C1orf21: variants seen among roughly 807,000 people sequenced by gnomAD.
The protein encoded by C1orf21 is chromosome 1 open reading frame 21, also known as uncharacterized protein C1orf21.
A neutral mutation model predicts 18.7 loss-of-function variants in C1orf21; 3 were observed. The ratio of observed to expected loss-of-function variants is 0.16; its 90% CI spans 0.07 to 0.42. The LOEUF (loss-of-function observed/expected upper bound fraction) is 0.42, where lower values mean the gene tolerates loss of function less well. Among genes scored for constraint, C1orf21 ranks in the 10% least tolerant of loss-of-function variants. The pLI, the probability that C1orf21 is intolerant of heterozygous loss-of-function variation, is 0.99. For synonymous variants in C1orf21, 41 were observed against 46.4 expected (o/e 0.88, Z 0.47); for missense variants, 104 against 143.6 (o/e 0.72, Z 1.41).
chr1:184,612,421 CAG>C (rs1043274788), intron 5 of C1orf21, among the ~76,000 whole-genome samples: 16 of 152,160 alleles, frequency 1.1e-4, no homozygotes, highest in Non-Finnish European at 1.5e-5. Context: ...AAGCAAAAGA[CAG>C]AGTTTAAGAT....
At chr1:184,563,996 A>G (rs1305739943) in intron 3 of C1orf21, among the ~76,000 whole-genome samples, 1 of 152,236 alleles carries the variant, frequency 6.6e-6, no homozygotes, top group East Asian at 1.9e-4. Context: ...TGTTGTGGTT[A>G]CTATGCACAA....
At chr1:184,541,196 T>C (rs556365433) in intron 3 of C1orf21, among the ~76,000 whole-genome samples, 9 of 152,322 alleles carry the variant, frequency 5.9e-5, no homozygotes, top group African/African-American at 1.9e-4. Flanking sequence ...GAACCACTTA[T>C]GTCTGTTGTT....
chr1:184,546,279 A>G (rs1658725922), intron 3 of C1orf21, among the ~76,000 whole-genome samples: 2 of 152,170 alleles, frequency 1.3e-5, no homozygotes, highest in South Asian at 4.1e-4. Context: ...TACTAAAAAT[A>G]TAAAAATTAA....
intron 3 of C1orf21, among the ~76,000 whole-genome samples, chr1:184,561,307 C>T (rs1285797026): frequency 6.6e-6 from 1 of 152,106 alleles, no homozygotes; most frequent in Non-Finnish European, 1.5e-5. Context: ...CAGGGTGGAG[C>T]CAGGGAAGGA....
intron 3 of C1orf21, among the ~76,000 whole-genome samples, chr1:184,509,673 G>A (rs1658115586): frequency 6.6e-6 from 1 of 151,964 alleles, no homozygotes; most frequent in African/African-American, 2.4e-5. Context: ...TTGGAAGGTG[G>A]ATAAAATAGA....
In C1orf21 at chr1:184,605,919, G is replaced by C. The variant is rs184570320; in HGVS notation, c.327+7458G>C. On this transcript the variant is annotated intron_variant, in intron 5 of 5. Coordinates refer to ENST00000235307, the MANE Select transcript of C1orf21 (RefSeq NM_030806.4). ...GGAAGGATTTGGGATGGGCTTGTTG[G>C]GGGTGGTGCTAAACCGAACCTGAAA... Among the ~76,000 whole-genome samples, 14 of 152,268 alleles carry C rather than the reference G, an allele frequency of 9.2e-5. 1 individual carries two copies. The East Asian group carries it at 2.7e-3, about 29-fold the overall frequency.
chr1:184,498,055 A>T (rs1237322449), intron 2 of C1orf21, among the ~76,000 whole-genome samples: 1 of 152,008 alleles, frequency 6.6e-6, no homozygotes, highest in Non-Finnish European at 1.5e-5. Context: ...TATCTATTCT[A>T]TGCCGCTCAT....
intron 1 of C1orf21, among the ~76,000 whole-genome samples, chr1:184,436,373 A>G (rs1656858537): frequency 1.3e-5 from 2 of 152,084 alleles, no homozygotes; most frequent in African/African-American, 2.4e-5. Context: ...GAGATTTGGC[A>G]GTGGTCGGCT....
At chr1:184,498,712 T>G (rs1310026658) in intron 2 of C1orf21, among the ~76,000 whole-genome samples, 2 of 152,250 alleles carry the variant, frequency 1.3e-5, no homozygotes, top group African/African-American at 4.8e-5. Flanking sequence ...TAGTTTACCC[T>G]GAAAAAGAAC....
At chr1:184,446,843 T>G (rs1215934930) in intron 1 of C1orf21, among the ~76,000 whole-genome samples, 1 of 150,734 alleles carries the variant, frequency 6.6e-6, no homozygotes, top group Non-Finnish European at 1.5e-5. Context: ...GGTTATGATT[T>G]TTTCGTGGTT....
chr1:184,413,760 A>G (rs1411879544), intron 1 of C1orf21, among the ~76,000 whole-genome samples: 1 of 152,194 alleles, frequency 6.6e-6, no homozygotes, highest in East Asian at 1.9e-4. Flanking sequence ...TACCATGAAA[A>G]TACGGTCCCT....
At chr1:184,534,699 C>T (rs886409904) in intron 3 of C1orf21, among the ~76,000 whole-genome samples, 6 of 152,046 alleles carry the variant, frequency 3.9e-5, no homozygotes, top group Admixed American at 2.6e-4. Flanking sequence ...AATTAAGACA[C>T]GATCCCTCCC....
chr1:184,515,517 A>G (rs188973695), intron 3 of C1orf21, among the ~76,000 whole-genome samples: 6 of 152,328 alleles, frequency 3.9e-5, no homozygotes, highest in Admixed American at 3.3e-4. Context: ...TTGCATATAA[A>G]TGATTTAAAA....
Position 184,627,991 on chromosome 1 carries a change from AT to A in C1orf21, c.*8438del, listed in dbSNP as rs1327242232. 1 of 152,152 alleles carries A rather than the reference AT, an allele frequency of 6.6e-6. No individual in the cohort carries two copies. 9.4% of individuals were successfully genotyped at this position (152,152 alleles called of 1,614,324 possible). On this transcript the variant is annotated 3_prime_UTR_variant, in exon 6 of 6. Transcript: ENST00000235307. ...CTACATATTTGCCCTTCCCAAGGGT[AT>A]TTGCATTTTATTTAGGAACATGGCC...
chr1:184,493,574 C>T (rs1340642560), intron 2 of C1orf21, among the ~76,000 whole-genome samples: 1 of 152,168 alleles, frequency 6.6e-6, no homozygotes, highest in Non-Finnish European at 1.5e-5. Context: ...ATATGCATGC[C>T]TCACTGTATA....
At chr1:184,523,805 T>C (rs189713239) in intron 3 of C1orf21, among the ~76,000 whole-genome samples, 81 of 152,286 alleles carry the variant, frequency 5.3e-4, no homozygotes, top group Middle Eastern at 3.4e-3. Context: ...CATTTGAATA[T>C]GCCATAATTT....
At chr1:184,424,814 A>G (rs889354709) in intron 1 of C1orf21, among the ~76,000 whole-genome samples, 5 of 152,182 alleles carry the variant, frequency 3.3e-5, no homozygotes, top group African/African-American at 1.2e-4. Flanking sequence ...AAGTCAGTGC[A>G]CTGACTTCCT....
intron 1 of C1orf21, among the ~76,000 whole-genome samples, chr1:184,463,189 T>C (rs1657334950): frequency 6.6e-6 from 1 of 151,958 alleles, no homozygotes. Flanking sequence ...AGCTATGACC[T>C]AGACTTGTAA....
chr1:184,499,752 G>C (rs1048571237), intron 2 of C1orf21, among the ~76,000 whole-genome samples: 1 of 151,932 alleles, frequency 6.6e-6, no homozygotes, highest in Admixed American at 6.6e-5. Flanking sequence ...GCACTACCCT[G>C]TGACTAACCA....
Sources: allele counts gnomAD v4.1 joint callset (sites outside exome capture counted in the v4.1 genomes callset), GRCh38; gene constraint gnomAD v4.1.1; transcripts MANE v1.5; gene names NCBI Gene and HGNC (gene_info 2026-07-23, HGNC 2026-07-21).